The following EHD4 variants were observed in gnomAD, a reference collection of about 807,000 sequenced individuals.
EHD4 encodes EH domain-containing protein 4.
In EHD4, 37 loss-of-function variants were observed where a neutral mutation model predicts 51.0. That is an observed-to-expected ratio of 0.73 (90% CI 0.56 to 0.95). The LOEUF is 0.95. EHD4 is among the 40% of genes least tolerant of loss of function. EHD4 has a pLI of 0.00. For missense variants in EHD4, 632 were observed against 733.1 expected, an observed-to-expected ratio of 0.86 and a Z score of 1.59; for synonymous variants, 297 against 317.3, an observed-to-expected ratio of 0.94 and a Z score of 0.68.
At chr15:41,916,154 A>G (rs2067582433) in intron 4 of EHD4, among the ~76,000 whole-genome samples, 1 of 152,220 alleles carries the variant, frequency 6.6e-6, no homozygotes, top group South Asian at 2.1e-4. Flanking sequence ...CATGTTTTCA[A>G]AGTGTCAGCT....
At chr15:41,935,012 CG>C (rs895868277) in intron 3 of EHD4, among the ~76,000 whole-genome samples, 1 of 152,080 alleles carries the variant, frequency 6.6e-6, no homozygotes, top group African/African-American at 2.4e-5. Flanking sequence ...CAGCAGGTGG[CG>C]GGGGGGCCTC....
At chr15:41,964,891 C>A (rs1225439875) in intron 1 of EHD4, among the ~76,000 whole-genome samples, 1 of 152,000 alleles carries the variant, frequency 6.6e-6, no homozygotes, top group African/African-American at 2.4e-5. Context: ...CCCACCTCAG[C>A]CTCCCAGGTA....
chr15:41,915,984 G>A (rs1191221389), intron 4 of EHD4, among the ~76,000 whole-genome samples: 1 of 152,180 alleles, frequency 6.6e-6, no homozygotes, highest in African/African-American at 2.4e-5. Flanking sequence ...TTATTAAAAT[G>A]TCACCTTTAT....
intron 5 of EHD4, among the ~76,000 whole-genome samples, chr15:41,901,642 C>CTAA (rs2067478529): frequency 6.6e-6 from 1 of 152,204 alleles, no homozygotes; most frequent in Non-Finnish European, 1.5e-5. Context: ...TGGCTCTTGA[C>CTAA]TAATGCTCTC....
chr15:41,945,105 A>G (rs2067802827), intron 2 of EHD4, among the ~76,000 whole-genome samples: 1 of 152,214 alleles, frequency 6.6e-6, no homozygotes, highest in African/African-American at 2.4e-5. Context: ...ATTGTCTCTC[A>G]GTGCCGTCCC....
intron 1 of EHD4, among the ~76,000 whole-genome samples, chr15:41,962,588 T>G (rs1451861179): frequency 6.6e-6 from 1 of 150,542 alleles, no homozygotes; most frequent in Non-Finnish European, 1.5e-5. Context: ...AGATTTTACT[T>G]CCAGGTGGGT....
At chr15:41,903,329 TAA>T (rs10622699) in intron 5 of EHD4, among the ~76,000 whole-genome samples, 1 of 136,080 alleles carries the variant, frequency 7.3e-6, no homozygotes, top group African/African-American at 2.7e-5. Context: ...TGCTTTCTTG[TAA>T]AAAAAAAAAA....
At chr15:41,962,284 G>T (rs1208391595) in intron 1 of EHD4, among the ~76,000 whole-genome samples, 1 of 152,116 alleles carries the variant, frequency 6.6e-6, no homozygotes, top group Non-Finnish European at 1.5e-5. Context: ...AAGAATGACA[G>T]AAAATGAGAA....
At chr15:41,962,451 A>G (rs2067930228) in intron 1 of EHD4, among the ~76,000 whole-genome samples, 2 of 151,808 alleles carry the variant, frequency 1.3e-5, no homozygotes, top group African/African-American at 2.4e-5. Context: ...AACAGACTCA[A>G]TATAGTATTT....
chr15:41,927,353 T>C (rs2067669804), intron 3 of EHD4, among the ~76,000 whole-genome samples: 1 of 152,234 alleles, frequency 6.6e-6, no homozygotes, highest in Non-Finnish European at 1.5e-5. Flanking sequence ...TGCACACCCA[T>C]GTTCACTGCA....
intron 3 of EHD4, among the ~76,000 whole-genome samples, chr15:41,923,047 A>G (rs901704516): frequency 6.6e-6 from 1 of 152,176 alleles, no homozygotes; most frequent in African/African-American, 2.4e-5. Flanking sequence ...TTATTTTGCT[A>G]CTTTAAGCAT....
At chr15:41,933,471 G>C (rs886427317) in intron 3 of EHD4, among the ~76,000 whole-genome samples, 1 of 152,204 alleles carries the variant, frequency 6.6e-6, no homozygotes, top group Middle Eastern at 3.2e-3. Flanking sequence ...GGAAAATGAA[G>C]CTCAAAGAGG....
At chr15:41,963,114 C>T (rs1472141034) in intron 1 of EHD4, among the ~76,000 whole-genome samples, 2 of 152,086 alleles carry the variant, frequency 1.3e-5, no homozygotes, top group Admixed American at 1.3e-4. Context: ...TAAGAGTCAT[C>T]ACCACTCCCT....
At chr15:41,951,536 C>T (rs904934569) in intron 2 of EHD4, among the ~76,000 whole-genome samples, 2 of 152,170 alleles carry the variant, frequency 1.3e-5, no homozygotes, top group African/African-American at 2.4e-5. Context: ...AACCACTCTT[C>T]CTGGTTTCTC....
At chr15:41,924,846 C>T (rs567037882) in intron 3 of EHD4, among the ~76,000 whole-genome samples, 15 of 152,036 alleles carry the variant, frequency 9.9e-5, no homozygotes, top group Non-Finnish European at 2.1e-4. Flanking sequence ...CGCCTGAGGT[C>T]AGGAGTTCGA....
chr15:41,935,823 C>T (rs76060534), intron 3 of EHD4, among the ~76,000 whole-genome samples: 3,066 of 152,240 alleles, frequency 0.02, 107 homozygotes, highest in African/African-American at 0.07. Flanking sequence ...TGGGTTCTCG[C>T]TTGGGGTCTG....
At chr15:41,963,560 CT>C (rs2067941516) in intron 1 of EHD4, among the ~76,000 whole-genome samples, 1 of 147,488 alleles carries the variant, frequency 6.8e-6, no homozygotes, top group African/African-American at 2.5e-5. Flanking sequence ...GAACGTGCTA[CT>C]GCACTCCAGT....
intron 1 of EHD4, among the ~76,000 whole-genome samples, chr15:41,970,649 G>A (rs76917355): frequency 0.054 from 8,168 of 152,304 alleles, 337 homozygotes; most frequent in Non-Finnish European, 0.081. Context: ...TTATCTCCAG[G>A]TTGGCACAGC....
intron 3 of EHD4, among the ~76,000 whole-genome samples, chr15:41,940,987 G>A (rs1045169168): frequency 2.6e-5 from 4 of 152,210 alleles, no homozygotes; most frequent in African/African-American, 9.6e-5. Flanking sequence ...AGCATATTCA[G>A]TCAGAAATGG....
Sources: gnomAD v4.1 joint callset for allele counts (sites outside exome capture counted in the v4.1 genomes callset) on GRCh38, gnomAD v4.1.1 for gene constraint, MANE v1.5 for transcripts, NCBI Gene and HGNC (gene_info 2026-07-23, HGNC 2026-07-21) for gene names.